FXR1: variants seen among roughly 807,000 people sequenced by gnomAD.
FXR1 encodes the protein RNA-binding protein FXR1.
A neutral mutation model predicts 84.0 loss-of-function variants in FXR1; 15 were observed. The observed-to-expected ratio is 0.18, with a 90% CI of 0.12 to 0.27. FXR1 has a LOEUF of 0.27. FXR1 is among the 10% of genes least tolerant of loss of function. The pLI, the probability that FXR1 is intolerant of heterozygous loss-of-function variation, is 1.00. For synonymous variants in FXR1, 245 were observed against 250.7 expected (o/e 0.98, Z 0.21); for missense variants, 480 against 774.4 (o/e 0.62, Z 4.51).
chr3:180,963,811 G>A (rs1229020916), intron 13 of FXR1, among the ~76,000 whole-genome samples: 1 of 152,166 alleles, frequency 6.6e-6, no homozygotes, highest in Non-Finnish European at 1.5e-5. Flanking sequence ...CAGCTTTGGA[G>A]TTGTTCCATT....
chr3:180,931,248 T>C (rs547178511), intron 1 of FXR1, among the ~76,000 whole-genome samples: 1 of 152,166 alleles, frequency 6.6e-6, no homozygotes, highest in African/African-American at 2.4e-5. Context: ...GATGGAGTTT[T>C]GCTGTTGTCG....
intron 14 of FXR1, 36 bp downstream of exon 14, chr3:180,968,290 T>C: frequency 5.8e-6 from 8 of 1,390,372 alleles, no homozygotes; most frequent in Non-Finnish European, 8.2e-6. Context: ...ATCCATTATT[T>C]GTAAACAGTT....
intron 1 of FXR1, among the ~76,000 whole-genome samples, chr3:180,926,506 A>ATATATATATATATTT (rs72192827): frequency 6.8e-4 from 84 of 124,336 alleles, no homozygotes; most frequent in South Asian, 1.5e-3. Flanking sequence ...ATATATATAT[A>ATATATATATATATTT]TTTTTTTTTC....
intron 13 of FXR1, among the ~76,000 whole-genome samples, chr3:180,966,617 A>G (rs970057288): frequency 2.0e-5 from 3 of 152,212 alleles, no homozygotes; most frequent in African/African-American, 7.2e-5. Context: ...ACACTCTGCC[A>G]GGCATTTGAG....
chr3:180,965,231 G>A (rs548072866), intron 13 of FXR1, among the ~76,000 whole-genome samples: 3 of 152,072 alleles, frequency 2.0e-5, no homozygotes, highest in East Asian at 1.9e-4. Flanking sequence ...GGTCAGGCTC[G>A]TCTCAAACTC....
intron 9 of FXR1, among the ~76,000 whole-genome samples, chr3:180,954,339 AGTT>A (rs1393190084): frequency 2.6e-5 from 4 of 152,184 alleles, no homozygotes; most frequent in Non-Finnish European, 5.9e-5. Context: ...AATAATAAGA[AGTT>A]GTGGGCAGGA....
chr3:180,960,763 C>T (rs1404353013), intron 10 of FXR1, among the ~76,000 whole-genome samples: 1 of 152,016 alleles, frequency 6.6e-6, no homozygotes, highest in Non-Finnish European at 1.5e-5. Context: ...CCATGACCTG[C>T]CAGAAAATCA....
chr3:180,964,576 T>C (rs1712553485), intron 13 of FXR1, among the ~76,000 whole-genome samples: 1 of 151,734 alleles, frequency 6.6e-6, no homozygotes, highest in East Asian at 1.9e-4. Context: ...TTGAAATAGT[T>C]ACTGAACCTG....
intron 2 of FXR1, 115 bp from the exon 3 acceptor site, chr3:180,935,020 ATGT>A (rs1181925571): frequency 2.5e-5 from 14 of 568,752 alleles, no homozygotes. Flanking sequence ...AATAGTATGA[ATGT>A]TGTTTTCCTT....
At chr3:180,918,876 A>G (rs766313118) in intron 1 of FXR1, among the ~76,000 whole-genome samples, 12 of 152,212 alleles carry the variant, frequency 7.9e-5, no homozygotes, top group Non-Finnish European at 2.9e-5. Flanking sequence ...AGTGAAGTAG[A>G]TAACTCCACT....
At chr3:180,926,449 TC>T (rs1719187952) in intron 1 of FXR1, among the ~76,000 whole-genome samples, 1 of 148,654 alleles carries the variant, frequency 6.7e-6, no homozygotes, top group African/African-American at 2.4e-5. Flanking sequence ...CAAGGGTAGT[TC>T]CTAATCTCTA....
chr3:180,926,506 A>ATATATATATATTTTT (rs72192827), intron 1 of FXR1, among the ~76,000 whole-genome samples: 13 of 124,370 alleles, frequency 1.0e-4, no homozygotes, highest in Non-Finnish European at 1.7e-4. Context: ...ATATATATAT[A>ATATATATATATTTTT]TTTTTTTTTC....
intron 1 of FXR1, among the ~76,000 whole-genome samples, chr3:180,919,214 T>A (rs1718255886): frequency 1.3e-5 from 2 of 151,382 alleles, no homozygotes; most frequent in South Asian, 4.2e-4. Context: ...AAATGTAAAA[T>A]ACAAATTGGG....
intron 9 of FXR1, among the ~76,000 whole-genome samples, chr3:180,956,174 C>G (rs1805605): frequency 0.17 from 25,465 of 152,130 alleles, 2,368 homozygotes; most frequent in Middle Eastern, 0.24. Context: ...TCTGAGAGTT[C>G]TAAGATGACC....
rs1288605256 is a variant in FXR1 at position 180,978,822 on chromosome 3, T to C, written c.*2530T>C. The C allele has an allele frequency of 1.3e-5, 2 of 152,110 alleles. No individual in the cohort carries two copies. The highest frequency in any genetic ancestry group is 2.9e-5 in the Non-Finnish European group (2 of 67,984). 9.4% of individuals were successfully genotyped at this position (152,110 alleles called of 1,614,324 possible). ...TCATGAAGTAACAGCTGAGATTATA[T>C]GGTGGCAAAAATGACCTGCTTTTCC... On this transcript the variant is annotated 3_prime_UTR_variant, in exon 17 of 17. Coordinates refer to ENST00000357559, the MANE Select transcript of FXR1 (RefSeq NM_005087.4).
intron 1 of FXR1, among the ~76,000 whole-genome samples, chr3:180,931,025 T>TAAAAAAAAAAAAA (rs1719823305): frequency 4.3e-5 from 1 of 23,194 alleles, no homozygotes; most frequent in African/African-American, 4.0e-4. Context: ...CGAGACTGCC[T>TAAAAAAAAAAAAA]CAAAAAAAAA....
At position 180,978,166 on chromosome 3, in the gene FXR1, T is replaced by C. The variant is rs891342665; in HGVS notation, c.*1874T>C. Reference sequence around the variant, plus strand: ...TAGAAGAATTTTAATTAATGCCAAATTGGTAAATATGGTGTAAAAAAAAAA... The same window carrying C: ...TAGAAGAATTTTAATTAATGCCAAACTGGTAAATATGGTGTAAAAAAAAAA... On this transcript the variant is annotated 3_prime_UTR_variant, in exon 17 of 17. Transcript: ENST00000357559. 6.1e-5 allele frequency: 9 copies of C among 147,396 alleles called. No homozygotes were observed. The highest frequency in any genetic ancestry group is 2.4e-4 in the African/African-American group (9 of 38,136). The allele number at this position is 147,396 out of a possible 1,614,324, so 9.1% of individuals were successfully genotyped here.
intron 13 of FXR1, among the ~76,000 whole-genome samples, chr3:180,965,483 ATTATC>A (rs919319755): frequency 1.3e-4 from 14 of 105,146 alleles, no homozygotes; most frequent in Non-Finnish European, 3.1e-4. Context: ...ACAGAAATTT[ATTATC>A]TTATAGTTCT....
intron 1 of FXR1, chr3:180,914,684 G>T: frequency 1.4e-6 from 1 of 726,172 alleles, no homozygotes; most frequent in Non-Finnish European, 1.7e-6. Context: ...TCCCCATTTT[G>T]GAACTCTGAA....
Sources: gnomAD v4.1 joint callset for allele counts (sites outside exome capture counted in the v4.1 genomes callset) on GRCh38, gnomAD v4.1.1 for gene constraint, MANE v1.5 for transcripts, NCBI Gene and HGNC (gene_info 2026-07-23, HGNC 2026-07-21) for gene names.